Variants in TLCD4 observed in about 807,000 individuals in gnomAD.
TLCD4 encodes TLC domain containing 4, also known as TLC domain-containing protein 4.
TLCD4 carries 7 observed loss-of-function variants against 24.2 expected under a neutral mutation model. The observed-to-expected ratio is 0.29, with a 90% CI of 0.16 to 0.54. The LOEUF is 0.54. Among genes scored for constraint, TLCD4 ranks in the 20% least tolerant of loss-of-function variants. TLCD4 has a pLI of 0.95. For synonymous variants in TLCD4, 103 were observed against 106.4 expected, an observed-to-expected ratio of 0.97 and a Z score of 0.20; for missense variants, 259 against 313.9, an observed-to-expected ratio of 0.82 and a Z score of 1.32.
chr1:95,181,938 A>T (rs1419141642), intron 6 of TLCD4, among the ~76,000 whole-genome samples: 2 of 152,104 alleles, frequency 1.3e-5, no homozygotes, highest in African/African-American at 4.8e-5. Context: ...TCTTTTACAT[A>T]TGCATAATTT....
chr1:95,169,634 GAT>G (rs1678139811), intron 5 of TLCD4, among the ~76,000 whole-genome samples: 1 of 5,834 alleles, frequency 1.7e-4, no homozygotes, highest in Non-Finnish European at 2.4e-3. Context: ...TATACTTCAT[GAT>G]TTTTTTTTTA....
In TLCD4 at chr1:95,192,841, CT is replaced by C. The variant is rs1679071327; in HGVS notation, c.*979del. Reference sequence around the variant, plus strand: ...ATTTTAGCATTTTATCAAATTATTGCTTTTTTATTTTATAATAAGGCTTAAG... The same window carrying C: ...ATTTTAGCATTTTATCAAATTATTGCTTTTTATTTTATAATAAGGCTTAAG... On this transcript the variant is annotated 3_prime_UTR_variant, in exon 7 of 7. Coordinates refer to ENST00000370203, the MANE Select transcript of TLCD4 (RefSeq NM_152487.3). The C allele has an allele frequency of 6.6e-6, 1 of 151,974 alleles. No homozygotes were observed. The highest frequency in any genetic ancestry group is 1.5e-5 in the Non-Finnish European group (1 of 67,962). The allele number at this position is 151,974 out of a possible 1,614,324, so 9.4% of individuals were successfully genotyped here.
intron 6 of TLCD4, among the ~76,000 whole-genome samples, chr1:95,189,914 G>A (rs537384259): frequency 6.6e-6 from 1 of 152,232 alleles, no homozygotes; most frequent in South Asian, 2.1e-4. Flanking sequence ...CTATGAATAT[G>A]TTTAGTTTTA....
At chr1:95,111,625 T>C in the TLCD4 span, among the ~76,000 whole-genome samples, 1 of 152,230 alleles carries the variant, frequency 6.6e-6, no homozygotes, top group Non-Finnish European at 1.5e-5. Flanking sequence ...AAGTGATAAC[T>C]GGCTTGGCAA....
the TLCD4 span, among the ~76,000 whole-genome samples, chr1:95,107,339 C>T: frequency 8.3e-3 from 1,256 of 152,230 alleles, 17 homozygotes; most frequent in African/African-American, 0.029. Flanking sequence ...AGGAGAATGG[C>T]GTGAACCCAG....
chr1:95,127,680 A>G (rs896184676), intron 1 of TLCD4, among the ~76,000 whole-genome samples: 5 of 152,170 alleles, frequency 3.3e-5, no homozygotes, highest in Non-Finnish European at 1.5e-5. Flanking sequence ...GTCTCCCCAG[A>G]CAGTAGAGAG....
intron 1 of TLCD4, among the ~76,000 whole-genome samples, chr1:95,122,463 G>C (rs56241782): frequency 0.2 from 29,810 of 152,162 alleles, 3,079 homozygotes; most frequent in Middle Eastern, 0.24. Flanking sequence ...CGACCTAGTT[G>C]CAGCCTCCCC....
chr1:95,103,356 G>T, the TLCD4 span, among the ~76,000 whole-genome samples: 1 of 152,150 alleles, frequency 6.6e-6, no homozygotes, highest in African/African-American at 2.4e-5. Flanking sequence ...TCCTATGTAG[G>T]AAAGAAGAGA....
chr1:95,160,747 C>A (rs1238865110), intron 5 of TLCD4, among the ~76,000 whole-genome samples: 3 of 152,140 alleles, frequency 2.0e-5, no homozygotes, highest in Admixed American at 1.3e-4. Flanking sequence ...TTTTCTGCAT[C>A]TATTGAGATA....
the TLCD4 span, among the ~76,000 whole-genome samples, chr1:95,109,685 C>T: frequency 6.6e-6 from 1 of 151,382 alleles, no homozygotes; most frequent in African/African-American, 2.4e-5. Flanking sequence ...GACGGGGTTT[C>T]ACCATGTTGG....
At chr1:95,161,348 T>G (rs1241959977) in intron 5 of TLCD4, among the ~76,000 whole-genome samples, 1 of 152,228 alleles carries the variant, frequency 6.6e-6, no homozygotes, top group Non-Finnish European at 1.5e-5. Context: ...TCAGTAGTGA[T>G]ATCCCCTTTA....
intron 1 of TLCD4, among the ~76,000 whole-genome samples, chr1:95,129,706 C>T (rs1676835792): frequency 1.3e-5 from 2 of 152,150 alleles, no homozygotes. Flanking sequence ...CGTGCCATTG[C>T]ACTCCAGCCT....
chr1:95,184,347 T>C (rs1465625736), intron 6 of TLCD4, among the ~76,000 whole-genome samples: 3 of 43,590 alleles, frequency 6.9e-5, no homozygotes, highest in Non-Finnish European at 1.6e-4. Context: ...TGTCCTCTTT[T>C]CTCACTTTTT....
At chr1:95,169,501 C>A (rs1395804779) in intron 5 of TLCD4, among the ~76,000 whole-genome samples, 1 of 152,138 alleles carries the variant, frequency 6.6e-6, no homozygotes. Flanking sequence ...TAATGAAAAT[C>A]ATGAAGTCAG....
At chr1:95,163,002 G>A (rs1179421774) in intron 5 of TLCD4, among the ~76,000 whole-genome samples, 1 of 152,172 alleles carries the variant, frequency 6.6e-6, no homozygotes, top group Non-Finnish European at 1.5e-5. Flanking sequence ...TTCTCGAGGA[G>A]TATCTTTGTG....
intron 5 of TLCD4, among the ~76,000 whole-genome samples, chr1:95,154,838 A>G (rs1677589150): frequency 6.7e-6 from 1 of 148,920 alleles, no homozygotes; most frequent in African/African-American, 2.4e-5. Context: ...AATAGGTAAT[A>G]GACTGACCCA....
At chr1:95,188,644 G>A (rs1226866093) in intron 6 of TLCD4, among the ~76,000 whole-genome samples, 2 of 151,936 alleles carry the variant, frequency 1.3e-5, no homozygotes, top group African/African-American at 4.8e-5. Flanking sequence ...TATTTATTTT[G>A]TTGCTCACAT....
Position 95,192,155 on chromosome 1 carries a change from T to G in TLCD4, c.*287T>G, listed in dbSNP as rs1275660676. The G allele has an allele frequency of 2.8e-6, 1 of 356,498 alleles. No homozygotes were observed. The highest frequency in any genetic ancestry group is 9.2e-5 in the East Asian group (1 of 10,918). 22.1% of individuals were successfully genotyped at this position (356,498 alleles called of 1,614,324 possible). A position where few individuals can be genotyped will look rare whatever the true frequency, so the allele number is the denominator to read the frequency against. ...TACTAAAAATACAAAAAAAAGTAGCTGGGCGTGGTGGTTGGCGCCTGTAAT... is the reference window on the plus strand; with the variant it reads ...TACTAAAAATACAAAAAAAAGTAGCGGGGCGTGGTGGTTGGCGCCTGTAAT... On this transcript the variant is annotated 3_prime_UTR_variant, in exon 7 of 7. Transcript: ENST00000370203.
At chr1:95,156,971 C>T (rs35143903) in intron 5 of TLCD4, among the ~76,000 whole-genome samples, 10,778 of 151,948 alleles carry the variant, frequency 0.071, 442 homozygotes, top group Non-Finnish European at 0.089. Flanking sequence ...AAGGATAACT[C>T]GGAAGGTAGA....
Sources: gnomAD v4.1 joint callset for allele counts (sites outside exome capture counted in the v4.1 genomes callset) on GRCh38, gnomAD v4.1.1 for gene constraint, MANE v1.5 for transcripts, NCBI Gene and HGNC (gene_info 2026-07-23, HGNC 2026-07-21) for gene names.